DLG2: variants seen among roughly 807,000 people sequenced by gnomAD.
DLG2 encodes disks large homolog 2.
Under a neutral mutation model 132.5 loss-of-function variants are expected in DLG2, and 45 were observed. The ratio of observed to expected loss-of-function variants is 0.34; its 90% CI spans 0.27 to 0.44. The LOEUF is 0.44. Among genes scored for constraint, DLG2 ranks in the 20% least tolerant of loss-of-function variants. DLG2 has a pLI of 1.00. For missense variants in DLG2, 1,045 were observed against 1,196.9 expected, an observed-to-expected ratio of 0.87 and a Z score of 1.87; for synonymous variants, 424 against 419.6, an observed-to-expected ratio of 1.01 and a Z score of -0.13.
chr11:83,727,944 G>T (rs1015500012), intron 18 of DLG2, among the ~76,000 whole-genome samples: 1 of 152,140 alleles, frequency 6.6e-6, no homozygotes. Flanking sequence ...AGATTGGAGA[G>T]TTCAGCCAAA....
intron 7 of DLG2, among the ~76,000 whole-genome samples, chr11:84,367,446 T>A (rs1567429608): frequency 6.6e-6 from 1 of 152,096 alleles, no homozygotes; most frequent in Non-Finnish European, 1.5e-5. Context: ...CAAGTCCCAT[T>A]CAAGCAGGAT....
intron 3 of DLG2, among the ~76,000 whole-genome samples, chr11:85,405,764 T>C (rs1330680093): frequency 2.6e-5 from 4 of 151,970 alleles, no homozygotes; most frequent in African/African-American, 9.7e-5. Context: ...TTCTTCACCA[T>C]TCCACAATAC....
chr11:85,598,412 A>C (rs1249042313), intron 3 of DLG2, among the ~76,000 whole-genome samples: 1 of 152,116 alleles, frequency 6.6e-6, no homozygotes, highest in Non-Finnish European at 1.5e-5. Flanking sequence ...ACATTCTTTC[A>C]ATATTTATAT....
intron 6 of DLG2, among the ~76,000 whole-genome samples, chr11:84,906,141 T>C (rs903577042): frequency 2.0e-5 from 3 of 152,004 alleles, no homozygotes; most frequent in African/African-American, 7.2e-5. Context: ...ATACACTCTA[T>C]AATTTTTATT....
intron 3 of DLG2, among the ~76,000 whole-genome samples, chr11:85,394,921 C>T (rs1013317176): frequency 6.6e-6 from 1 of 152,286 alleles, no homozygotes; most frequent in East Asian, 1.9e-4. Context: ...GCCTGTTCTG[C>T]AGGGCTCCAA....
intron 3 of DLG2, among the ~76,000 whole-genome samples, chr11:85,401,349 A>T (rs1461820207): frequency 6.6e-6 from 1 of 152,166 alleles, no homozygotes; most frequent in Admixed American, 6.6e-5. Flanking sequence ...CAAAATAATA[A>T]GAGTTATTTA....
intron 12 of DLG2, among the ~76,000 whole-genome samples, chr11:83,969,892 T>C (rs774057463): frequency 6.6e-6 from 1 of 151,696 alleles, no homozygotes; most frequent in Non-Finnish European, 1.5e-5. Context: ...TATTTACATG[T>C]GATGTTCTAT....
chr11:84,059,230 A>G, intron 11 of DLG2, 85 bp downstream of exon 11: 1 of 1,344,144 alleles, frequency 7.4e-7, no homozygotes, highest in Non-Finnish European at 1.1e-6. Flanking sequence ...CAGAGGTTAA[A>G]GAGTTCATCA....
At chr11:84,114,748 G>A (rs942956421) in intron 9 of DLG2, among the ~76,000 whole-genome samples, 8 of 151,182 alleles carry the variant, frequency 5.3e-5, no homozygotes, top group Non-Finnish European at 1.0e-4. Flanking sequence ...GCAGTGGCAC[G>A]ATCTCTGCTC....
rs939371511 is a variant in DLG2, at chr11:84,982,132, A to G, written c.357+129529T>C. On this transcript the variant is annotated intron_variant, in intron 6 of 27. Coordinates refer to ENST00000376104, the MANE Select transcript of DLG2 (RefSeq NM_001142699.3). ...TAGGCTCTTCCGCCTGTAGCCACCTATTTAGTCCACCAAGCTCTTCTTACT... is the reference window on the plus strand; with the variant it reads ...TAGGCTCTTCCGCCTGTAGCCACCTGTTTAGTCCACCAAGCTCTTCTTACT... Among the ~76,000 whole-genome samples the G allele has an allele frequency of 2.8e-4, 42 of 152,032 alleles. 1 individual carries two copies. The highest frequency in any genetic ancestry group is 8.5e-4 in the Admixed American group (13 of 15,240).
intron 8 of DLG2, among the ~76,000 whole-genome samples, chr11:84,177,923 C>T (rs1039946442): frequency 3.9e-5 from 6 of 152,002 alleles, no homozygotes; most frequent in Admixed American, 6.6e-5. Flanking sequence ...AACTTTAAAA[C>T]TGGGCAGAAA....
intron 18 of DLG2, among the ~76,000 whole-genome samples, chr11:83,650,214 G>A (rs978493784): frequency 2.0e-5 from 3 of 152,204 alleles, no homozygotes; most frequent in Non-Finnish European, 2.9e-5. Context: ...TTGCTATGCT[G>A]AAAGGGACTT....
At chr11:84,564,578 T>C (rs1315972642) in intron 6 of DLG2, among the ~76,000 whole-genome samples, 1 of 152,222 alleles carries the variant, frequency 6.6e-6, no homozygotes, top group Non-Finnish European at 1.5e-5. Flanking sequence ...CCATTTCTTT[T>C]TTATTCTGCA....
rs139467608 is a variant in DLG2, at chr11:83,688,990, T to C, written c.1826-55665A>G. Among the ~76,000 whole-genome samples, 579 of 152,266 alleles carry C rather than the reference T, an allele frequency of 3.8e-3. 4 individuals carry two copies. The highest frequency in any genetic ancestry group is 0.013 in the African/African-American group (558 of 41,566). On this transcript the variant is annotated intron_variant, in intron 18 of 27. Coordinates refer to ENST00000376104, the MANE Select transcript of DLG2 (RefSeq NM_001142699.3). ...ATGTCCCAGGCACTACATTATTACG[T>C]TGAATGCCAGAAGAACGATGTAATC...
At chr11:84,099,444 G>C (rs537551738) in intron 9 of DLG2, among the ~76,000 whole-genome samples, 88 of 152,162 alleles carry the variant, frequency 5.8e-4, no homozygotes, top group African/African-American at 2.0e-3. Flanking sequence ...TGATTTAATA[G>C]AAGAGTGAAC....
chr11:84,049,263 G>A (rs1388437057), intron 11 of DLG2, among the ~76,000 whole-genome samples: 1 of 151,800 alleles, frequency 6.6e-6, no homozygotes, highest in Admixed American at 6.6e-5. Context: ...ATTTAGATAA[G>A]CTGGACATGA....
chr11:84,123,461 C>A (rs1595716231), intron 9 of DLG2, among the ~76,000 whole-genome samples: 1 of 152,190 alleles, frequency 6.6e-6, no homozygotes, highest in East Asian at 1.9e-4. Context: ...GGATCCTCTA[C>A]AGCTGAACCC....
intron 3 of DLG2, among the ~76,000 whole-genome samples, chr11:85,541,140 A>C (rs890743483): frequency 4.6e-5 from 7 of 152,176 alleles, no homozygotes; most frequent in Non-Finnish European, 1.0e-4. Flanking sequence ...TAATTGCTCT[A>C]ATGTGCCATC....
intron 3 of DLG2, among the ~76,000 whole-genome samples, chr11:85,435,818 A>G (rs2091448900): frequency 6.6e-6 from 1 of 152,088 alleles, no homozygotes; most frequent in Non-Finnish European, 1.5e-5. Flanking sequence ...CTACTTTAAA[A>G]TTCACATGGA....
Sources: gnomAD v4.1 joint callset for allele counts (sites outside exome capture counted in the v4.1 genomes callset) on GRCh38, gnomAD v4.1.1 for gene constraint, MANE v1.5 for transcripts, NCBI Gene and HGNC (gene_info 2026-07-23, HGNC 2026-07-21) for gene names.